Variants in FBN2 observed in about 807,000 individuals in gnomAD.
FBN2 encodes the protein fibrillin-2.
Under a neutral mutation model 355.6 loss-of-function variants are expected in FBN2, and 105 were observed. That is an observed-to-expected ratio of 0.30 (90% CI 0.25 to 0.35). The LOEUF (loss-of-function observed/expected upper bound fraction) is 0.35, where lower values mean the gene tolerates loss of function less well. Among genes scored for constraint, FBN2 ranks in the 10% least tolerant of loss-of-function variants. The pLI is 1.00. For missense variants in FBN2, 3,280 were observed against 3,758.7 expected (o/e 0.87, Z 3.33); for synonymous variants, 1,350 against 1,301.2 (o/e 1.04, Z -0.81).
rs201846512 is a variant in FBN2, at chr5:128,273,893, C to A, written c.7787G>T (p.Ser2596Ile). 7 of 1,613,954 alleles carry A rather than the reference C, an allele frequency of 4.3e-6. No individual in the cohort carries two copies. In the Admixed American group the frequency reaches 8.3e-5, roughly 19 times the overall value. ...AGAGAACCCTCTTTGGCATTCACAG[C>A]TGAAACTGCCTGGAGTGTTTTGACA... is the stretch of plus-strand genomic sequence containing the variant. Reference protein sequence around the residue: ...GICQNTPGSFSCECQRGFSLD... With the variant: ...GICQNTPGSFICECQRGFSLD... Residue 2596 changes from serine to isoleucine, a missense_variant, in exon 61 of 65, where the codon AGC becomes ATC. This residue lies in a region of FBN2 where 2,284 missense variants were observed against 2,749.5 expected (regional missense o/e 0.83). Transcript: ENST00000262464.
At chr5:128,389,594 C>T (rs1378859236) in intron 11 of FBN2, among the ~76,000 whole-genome samples, 2 of 152,190 alleles carry the variant, frequency 1.3e-5, no homozygotes, top group Non-Finnish European at 2.9e-5. Context: ...ATGTCAAGCC[C>T]TGGGGTATGG....
chr5:128,290,198 A>C (rs1749281972), intron 50 of FBN2, among the ~76,000 whole-genome samples: 1 of 152,178 alleles, frequency 6.6e-6, no homozygotes. Context: ...GCTAAAGAGA[A>C]CTTCCCTGCC....
intron 5 of FBN2, among the ~76,000 whole-genome samples, chr5:128,466,718 A>G (rs1225033767): frequency 6.6e-6 from 1 of 152,206 alleles, no homozygotes; most frequent in African/African-American, 2.4e-5. Flanking sequence ...TTCAACAAAA[A>G]TAGCTCATTT....
Position 128,302,330 on chromosome 5 carries a change from T to C in FBN2, c.5917+643A>G, listed in dbSNP as rs549442150. Among the ~76,000 whole-genome samples the C allele has an allele frequency of 7.2e-5, 11 of 152,270 alleles. No individual in the cohort carries two copies. The East Asian group carries it at 1.7e-3, about 24-fold the overall frequency. On this transcript the variant is annotated intron_variant, in intron 46 of 64. Transcript: ENST00000262464. ...GCATGCAGTAAACAAGGAATAAACGTTTGCTGTCATTTCTCTTATTCTCTC... is the reference window on the plus strand; with the variant it reads ...GCATGCAGTAAACAAGGAATAAACGCTTGCTGTCATTTCTCTTATTCTCTC...
chr5:128,273,057 CTA>C (rs1287635716), intron 61 of FBN2, among the ~76,000 whole-genome samples: 1 of 152,028 alleles, frequency 6.6e-6, no homozygotes, highest in East Asian at 1.9e-4. Flanking sequence ...TCATATATTT[CTA>C]AGAATAGTTA....
At chr5:128,313,956 C>A (rs1301559629) in intron 36 of FBN2, among the ~76,000 whole-genome samples, 1 of 151,660 alleles carries the variant, frequency 6.6e-6, no homozygotes, top group Non-Finnish European at 1.5e-5. Context: ...TGAGTTCCAG[C>A]CACCATCATT....
rs200543836 is a variant in FBN2 at position 128,344,523 on chromosome 5, T to C, written c.3218-13A>G. The stretch of plus-strand genomic sequence containing the variant: ...CATTCATTGATGTCTAAAAGCAGAA[T>C]GAAGCCAGAATGTAGAGCCGGTTGA... On this transcript the variant is annotated splice_polypyrimidine_tract_variant and intron_variant, in intron 24 of 64. Transcript: ENST00000262464. The C allele has an allele frequency of 1.1e-5, 18 of 1,613,368 alleles. No individual in the cohort carries two copies. Among genetic ancestry groups the C allele is most frequent in the Non-Finnish European group, 1.5e-5 (18 of 1,179,602 alleles).
At chr5:128,381,414 C>T (rs969131284) in intron 11 of FBN2, among the ~76,000 whole-genome samples, 38 of 152,088 alleles carry the variant, frequency 2.5e-4, no homozygotes, top group Admixed American at 2.2e-3. Flanking sequence ...TCCCAAACAG[C>T]AATGGCAGTT....
intron 5 of FBN2, among the ~76,000 whole-genome samples, chr5:128,473,935 G>A (rs970917620): frequency 3.3e-5 from 5 of 152,174 alleles, no homozygotes; most frequent in Non-Finnish European, 5.9e-5. Flanking sequence ...AGTGGAATGT[G>A]GGCTTGGCCA....
chr5:128,301,441 G>T lies in FBN2; in HGVS notation c.5987C>A (p.Ser1996Tyr). 1 of 1,613,150 alleles carries T rather than the reference G, an allele frequency of 6.2e-7. No homozygotes were observed. The highest frequency in any genetic ancestry group is 8.5e-7 in the Non-Finnish European group (1 of 1,179,346). ...RNGRCFNEIGSFKCLCNEGYE... is the reference protein window; with the variant it reads ...RNGRCFNEIGYFKCLCNEGYE... The stretch of plus-strand genomic sequence containing the variant: ...ACCTTCGTTACATAGACACTTGAAA[G>T]AACCAATTTCATTAAAACAACGTCC... The change falls in exon 47 of 65, where the codon TCT becomes TAT. Residue 1996 changes from serine to tyrosine, a missense_variant. Physicochemically the swap from Ser to Tyr is moderately radical, Grantham distance 144 (BLOSUM62 -2). Around this residue, in one of 6 missense-constraint regions of FBN2, gnomAD observed 2,284 missense variants for 2,749.5 expected, o/e 0.83. Transcript: ENST00000262464.
intron 62 of FBN2, among the ~76,000 whole-genome samples, chr5:128,268,407 C>T (rs1765174311): frequency 2.0e-5 from 3 of 152,064 alleles, no homozygotes; most frequent in Admixed American, 6.6e-5. Context: ...AAAAAAAGCC[C>T]AGGACCAGAT....
At chr5:128,483,951 C>T (rs74442850) in intron 5 of FBN2, among the ~76,000 whole-genome samples, 8,470 of 152,246 alleles carry the variant, frequency 0.056, 310 homozygotes, top group South Asian at 0.16. Context: ...TGTGTTGTAA[C>T]ATTTTCCACC....
chr5:128,271,928 A>T (rs2126803602), intron 62 of FBN2, 71 bp downstream of exon 62: 1 of 1,580,818 alleles, frequency 6.3e-7, no homozygotes, highest in Non-Finnish European at 8.7e-7. Flanking sequence ...CAACCCTCAC[A>T]ATTTGTTCAT....
chr5:128,349,606 A>G, intron 22 of FBN2, 134 bp from the exon 23 acceptor site: 1 of 1,163,968 alleles, frequency 8.6e-7, no homozygotes, highest in Non-Finnish European at 1.2e-6. Flanking sequence ...AAACAGAAAT[A>G]TTCCACAACC....
chr5:128,322,497 G>A (rs758088397), intron 34 of FBN2, among the ~76,000 whole-genome samples: 17 of 152,144 alleles, frequency 1.1e-4, no homozygotes, highest in Non-Finnish European at 2.5e-4. Flanking sequence ...TCAGTTTTCT[G>A]CATATGGCTA....
rs904308006 is a variant in FBN2, at chr5:128,258,381, A to T, written c.*1074T>A. 1.3e-5 allele frequency: 2 copies of T among 152,600 alleles called. No individual in the cohort carries two copies. Among genetic ancestry groups the T allele is most frequent in the African/African-American group, 2.4e-5 (1 of 41,452 alleles). 9.5% of individuals were successfully genotyped at this position (152,600 alleles called of 1,614,324 possible). On this transcript the variant is annotated 3_prime_UTR_variant, in exon 65 of 65. Coordinates refer to ENST00000262464, the MANE Select transcript of FBN2 (RefSeq NM_001999.4). ...TATTAATGAAAATTCTAAAAAAAAA[A>T]TGGGTTTAAAACAACAACAACAACA...
At position 128,290,836 on chromosome 5, in the gene FBN2, G is replaced by C. The variant is rs1409787236; in HGVS notation, c.6341C>G (p.Ser2114Cys). The C allele has an allele frequency of 1.9e-6, 3 of 1,613,986 alleles. No homozygotes were observed. ...TGTGGTGTTGAAAGCTTTGGGTACAGAACACTTTCCATTTTCAAAATTTGT... is the reference window on the plus strand; with the variant it reads ...TGTGGTGTTGAAAGCTTTGGGTACACAACACTTTCCATTTTCAAAATTTGT... ...CFTNFENGKCSVPKAFNTTKA... is the reference protein window; with the variant it reads ...CFTNFENGKCCVPKAFNTTKA... The change falls in exon 50 of 65, where the codon TCT becomes TGT. Residue 2114 changes from serine to cysteine, a missense_variant. Transcript: ENST00000262464.
chr5:128,277,847 C>A, intron 58 of FBN2, 33 bp downstream of exon 58: 1 of 1,613,654 alleles, frequency 6.2e-7, no homozygotes, highest in South Asian at 1.1e-5. Context: ...GATTAGCCCC[C>A]AAACCCCTGG....
Position 128,312,660 on chromosome 5 carries a change from C to T in FBN2, c.4853G>A (p.Cys1618Tyr). ...CSLGKAWGNP[C>Y]ETCPPVNSTE... ...GCTATTGACAGGGGGGCATGTCTCA[C>T]AGGGGTTTCCCCAGGCCTTTCCCAG... is the stretch of plus-strand genomic sequence containing the variant. The change falls in exon 37 of 65, where the codon TGT (cysteine) becomes TAT (tyrosine). Residue 1618 changes from cysteine to tyrosine, a missense_variant. Physicochemically the swap from Cys to Tyr is radical, Grantham distance 194 (BLOSUM62 -2). Around this residue, in one of 6 missense-constraint regions of FBN2, gnomAD observed 2,284 missense variants for 2,749.5 expected, o/e 0.83. Coordinates refer to ENST00000262464, the MANE Select transcript of FBN2 (RefSeq NM_001999.4). The T allele has an allele frequency of 6.2e-7, 1 of 1,614,090 alleles. No individual in the cohort carries two copies.
Sources: gnomAD v4.1 joint callset for allele counts (sites outside exome capture counted in the v4.1 genomes callset) on GRCh38, gnomAD v4.1.1 for gene constraint, gnomAD v4.1.1 regional missense constraint, MANE v1.5 for transcripts, NCBI Gene and HGNC (gene_info 2026-07-23, HGNC 2026-07-21) for gene names.